The following CPEB2 variants were observed in gnomAD, a reference collection of about 807,000 sequenced individuals.
CPEB2 encodes the protein cytoplasmic polyadenylation element binding protein 2.
In CPEB2, 56 loss-of-function variants were observed where a neutral mutation model predicts 93.6. That is an observed-to-expected ratio of 0.60 (90% confidence interval 0.48 to 0.75). CPEB2 has a LOEUF of 0.75. Ranked by LOEUF, CPEB2 falls within the 30% of genes least tolerant of loss-of-function variation. The pLI, the probability that CPEB2 is intolerant of heterozygous loss-of-function variation, is 0.00. For synonymous variants in CPEB2, 764 were observed against 586.3 expected (o/e 1.30, Z -4.38); for missense variants, 1,579 against 1,395.1 (o/e 1.13, Z -2.10).
intron 5 of CPEB2, among the ~76,000 whole-genome samples, chr4:15,033,957 G>T (rs1009761267): frequency 1.3e-5 from 2 of 152,186 alleles, no homozygotes; most frequent in South Asian, 4.1e-4. Context: ...CTTGGCTCTT[G>T]TATTTCAACT....
chr4:15,066,420 G>T lies in CPEB2; in HGVS notation c.*40G>T. The T allele has an allele frequency of 2.1e-6, 3 of 1,425,568 alleles. No individual in the cohort carries two copies. Among genetic ancestry groups the T allele is most frequent in the South Asian group, 1.2e-5 (1 of 82,680 alleles). 88.3% of individuals were successfully genotyped at this position (1,425,568 alleles called of 1,614,324 possible). ...CCTCTGTTTAACAAGGAAAGAAAGG[G>T]TGCATGTGGCTTACTGTGTCTGAAG... is the stretch of plus-strand genomic sequence containing the variant. On this transcript the variant is annotated 3_prime_UTR_variant, in exon 12 of 12. Transcript: ENST00000538197.
intron 10 of CPEB2, among the ~76,000 whole-genome samples, chr4:15,061,270 A>G (rs750294447): frequency 2.6e-5 from 4 of 152,130 alleles, no homozygotes; most frequent in Non-Finnish European, 1.5e-5. Context: ...AGGAGTGTAG[A>G]TAGTGTTGCA....
At position 15,002,937 on chromosome 4, in the gene CPEB2, G is replaced by C. The variant is rs1021792340; in HGVS notation, c.264G>C (p.Ala88=). The C allele has an allele frequency of 2.0e-6, 3 of 1,516,430 alleles. No homozygotes were observed. The highest frequency in any genetic ancestry group is 2.8e-5 in the African/African-American group (2 of 70,700). 93.9% of individuals were successfully genotyped at this position (1,516,430 alleles called of 1,614,324 possible). ...AAASSSSPFL[A]HQQTMQDELL... is the part of the protein sequence containing the mutation. ...CTTCCTCTTCCTCCCCGTTCCTGGC[G>C]CATCAGCAGACCATGCAGGATGAGC... Residue 88 remains alanine, a synonymous_variant, in exon 1 of 12, where the codon GCG becomes GCC. Coordinates refer to ENST00000538197, the MANE Select transcript of CPEB2 (RefSeq NM_001177382.2).
chr4:15,002,584 C>A lies in CPEB2; in HGVS notation c.-90C>A. The stretch of plus-strand genomic sequence containing the variant: ...CCTCTCTCACTGACTCCCCCTCCTT[C>A]CACCACGGCCGCGCAACCCCAGCGC... On this transcript the variant is annotated 5_prime_UTR_variant, in exon 1 of 12. Coordinates refer to ENST00000538197, the MANE Select transcript of CPEB2 (RefSeq NM_001177382.2). 2 of 1,110,908 alleles carry A rather than the reference C, an allele frequency of 1.8e-6. No homozygotes were observed. The highest frequency in any genetic ancestry group is 2.5e-6 in the Non-Finnish European group (2 of 811,070). The allele number at this position is 1,110,908 out of a possible 1,614,324, so 68.8% of individuals were successfully genotyped here. A position where few individuals can be genotyped will look rare whatever the true frequency, so the allele number is the denominator to read the frequency against.
chr4:15,041,078 A>G (rs973807874), intron 6 of CPEB2, among the ~76,000 whole-genome samples: 4 of 152,066 alleles, frequency 2.6e-5, no homozygotes, highest in African/African-American at 7.2e-5. Context: ...CCTCCCCCAC[A>G]AAAGTATTCC....
intron 9 of CPEB2, 98 bp from the exon 10 acceptor site, chr4:15,059,089 A>C: frequency 1.6e-6 from 1 of 617,130 alleles, no homozygotes; most frequent in Non-Finnish European, 2.8e-6. Flanking sequence ...ACAAATTTTT[A>C]AGCAATAAAA....
At chr4:15,043,054 T>C (rs145676127) in intron 6 of CPEB2, among the ~76,000 whole-genome samples, 1 of 152,302 alleles carries the variant, frequency 6.6e-6, no homozygotes, top group East Asian at 1.9e-4. Context: ...TGAACAGTTA[T>C]TTTCACAGGA....
At chr4:15,060,273 C>T (rs898982906) in intron 10 of CPEB2, among the ~76,000 whole-genome samples, 18 of 152,152 alleles carry the variant, frequency 1.2e-4, no homozygotes, top group African/African-American at 4.1e-4. Flanking sequence ...TAGACTAACT[C>T]GGTATTTATT....
rs774696111 is a variant in CPEB2, at chr4:15,003,316, G to C, written c.643G>C (p.Ala215Pro). Residue 215 changes from alanine (A) to proline (P), a missense_variant, in exon 1 of 12, where the codon GCC becomes CCC. Coordinates refer to ENST00000538197, the MANE Select transcript of CPEB2 (RefSeq NM_001177382.2). Reference protein sequence around the residue: ...PGRFSPPPPPAGPLLQPAQLA... With the variant: ...PGRFSPPPPPPGPLLQPAQLA... The stretch of plus-strand genomic sequence containing the variant: ...TCGGTTCAGCCCGCCGCCGCCGCCA[G>C]CCGGCCCGCTCCTCCAGCCGGCGCA... 1 of 1,414,546 alleles carries C rather than the reference G, an allele frequency of 7.1e-7. No homozygotes were observed. The highest frequency in any genetic ancestry group is 9.1e-7 in the Non-Finnish European group (1 of 1,100,760). The allele number at this position is 1,414,546 out of a possible 1,614,324, so 87.6% of individuals were successfully genotyped here. A position where few individuals can be genotyped will look rare whatever the true frequency, so the allele number is the denominator to read the frequency against.
At chr4:15,039,663 CT>C (rs555692050) in intron 5 of CPEB2, among the ~76,000 whole-genome samples, 15 of 148,686 alleles carry the variant, frequency 1.0e-4, no homozygotes, top group African/African-American at 2.7e-4. Context: ...AAATTACAGT[CT>C]TTTTTTTTTC....
chr4:15,019,288 G>T (rs1407027810), intron 4 of CPEB2, among the ~76,000 whole-genome samples: 1 of 150,946 alleles, frequency 6.6e-6, no homozygotes, highest in African/African-American at 2.4e-5. Context: ...AATTATCTTG[G>T]TACTAAGTGC....
In CPEB2 at chr4:15,003,294, G is replaced by C. The variant is rs779866865; in HGVS notation, c.621G>C (p.Arg207=). The change falls in exon 1 of 12, where the codon CGG becomes CGC. Residue 207 remains arginine (R), a synonymous_variant. Transcript: ENST00000538197. The stretch of plus-strand genomic sequence containing the variant: ...CTCCGCCGCTCCACTGCCCCGGTCG[G>C]TTCAGCCCGCCGCCGCCGCCAGCCG... The part of the protein sequence containing the change: ...PPPPPLHCPG[R]FSPPPPPAGP... The C allele has an allele frequency of 3.5e-5, 51 of 1,455,190 alleles. No individual in the cohort carries two copies. The highest frequency in any genetic ancestry group is 1.8e-4 in the Middle Eastern group (1 of 5,608). The allele number at this position is 1,455,190 out of a possible 1,614,324, so 90.1% of individuals were successfully genotyped here.
intron 1 of CPEB2, chr4:15,004,950 T>G (rs1722594746): frequency 6.6e-6 from 1 of 152,198 alleles, no homozygotes; most frequent in African/African-American, 2.4e-5. Flanking sequence ...TGGAGTTTGT[T>G]TATTCTTATT....
intron 6 of CPEB2, among the ~76,000 whole-genome samples, chr4:15,045,822 A>T (rs1477781593): frequency 6.6e-6 from 1 of 152,080 alleles, no homozygotes; most frequent in Non-Finnish European, 1.5e-5. Context: ...TTAAAAGAAA[A>T]AAATAATTTC....
At chr4:15,040,403 T>G in intron 5 of CPEB2, 61 bp from the exon 6 acceptor site, 1 of 1,469,778 alleles carries the variant, frequency 6.8e-7, no homozygotes, top group South Asian at 1.2e-5. Flanking sequence ...CAGAAATATT[T>G]GTATATGTGG....
At chr4:15,014,417 C>A (rs1156381504) in intron 3 of CPEB2, among the ~76,000 whole-genome samples, 2 of 151,986 alleles carry the variant, frequency 1.3e-5, no homozygotes, top group Non-Finnish European at 2.9e-5. Flanking sequence ...TGAACATTAA[C>A]TTTTATCATT....
chr4:15,021,208 C>T (rs1342169473), intron 4 of CPEB2, among the ~76,000 whole-genome samples: 1 of 152,090 alleles, frequency 6.6e-6, no homozygotes, highest in African/African-American at 2.4e-5. Context: ...ACTGACCCGT[C>T]TGCTTTATTT....
rs567872081 is a variant in CPEB2 at position 15,032,166 on chromosome 4, T to G, written c.2126-995T>G. On this transcript the variant is annotated intron_variant, in intron 4 of 11. Transcript: ENST00000538197. ...AGGCCGGAGTGCATTGGCACAGTCA[T>G]AGCTCACTACATGCTCAAACTCCTG... Among the ~76,000 whole-genome samples the G allele has an allele frequency of 2.6e-5, 4 of 152,324 alleles. No homozygotes were observed. The South Asian group carries it at 8.3e-4, about 32-fold the overall frequency.
At position 15,004,290 on chromosome 4, in the gene CPEB2, G is replaced by GGCC; in HGVS notation, c.1624_1626dup (p.Ala542dup). ...AGCTCCAGCAGCAGCACCAGGCGGC[G>GGCC]GCCGCCGCCTTCCTGCAGCAGAGGA... is the stretch of plus-strand genomic sequence containing the variant. On this transcript the variant is annotated inframe_insertion, in exon 1 of 12. Transcript: ENST00000538197. 1 of 1,493,372 alleles carries GGCC rather than the reference G, an allele frequency of 6.7e-7. No homozygotes were observed. 92.5% of individuals were successfully genotyped at this position (1,493,372 alleles called of 1,614,324 possible). A position where few individuals can be genotyped will look rare whatever the true frequency, so the allele number is the denominator to read the frequency against.
Sources: gnomAD v4.1 joint callset for allele counts (sites outside exome capture counted in the v4.1 genomes callset) on GRCh38, gnomAD v4.1.1 for gene constraint, MANE v1.5 for transcripts, NCBI Gene and HGNC (gene_info 2026-07-23, HGNC 2026-07-21) for gene names.